Variants in DLGAP2 observed in about 807,000 individuals in gnomAD.
DLGAP2 encodes disks large-associated protein 2.
DLGAP2 carries 26 observed loss-of-function variants against 100.3 expected under a neutral mutation model. The observed-to-expected ratio is 0.26, with a 90% CI of 0.19 to 0.36. The LOEUF is 0.36. DLGAP2 is among the 10% of genes least tolerant of loss of function. The pLI is 1.00. For synonymous variants in DLGAP2, 886 were observed against 630.1 expected (o/e 1.41, Z -6.08); for missense variants, 1,858 against 1,453.2 (o/e 1.28, Z -4.53).
intron 2 of DLGAP2, among the ~76,000 whole-genome samples, chr8:953,681 C>A (rs182591260): frequency 1.3e-5 from 2 of 150,984 alleles, no homozygotes; most frequent in African/African-American, 5.0e-5. Flanking sequence ...AACAGAGTTG[C>A]GTGAAAGAAA....
At chr8:867,979 G>A (rs1481225517) in intron 1 of DLGAP2, among the ~76,000 whole-genome samples, 2 of 152,052 alleles carry the variant, frequency 1.3e-5, no homozygotes, top group South Asian at 2.1e-4. Context: ...TAATATTTTT[G>A]TATTATTAAA....
At chr8:1,630,882 C>G (rs528791389) in intron 7 of DLGAP2, among the ~76,000 whole-genome samples, 3 of 143,018 alleles carry the variant, frequency 2.1e-5, no homozygotes, top group Admixed American at 6.8e-5. Flanking sequence ...CCGAGGGTCT[C>G]GGCGGGAGGT....
At chr8:1,331,748 T>C (rs922149499) in intron 3 of DLGAP2, among the ~76,000 whole-genome samples, 3 of 152,224 alleles carry the variant, frequency 2.0e-5, no homozygotes, top group Non-Finnish European at 4.4e-5. Context: ...CTTGTTTTGC[T>C]TATGGGCTGG....
chr8:858,973 G>C (rs1797338060), intron 1 of DLGAP2, among the ~76,000 whole-genome samples: 2 of 152,156 alleles, frequency 1.3e-5, no homozygotes, highest in Non-Finnish European at 2.9e-5. Context: ...GGGAGGAGGG[G>C]TTATATGTGA....
chr8:807,193 C>G (rs1002273704), intron 1 of DLGAP2, among the ~76,000 whole-genome samples: 3 of 152,244 alleles, frequency 2.0e-5, no homozygotes, highest in African/African-American at 7.2e-5. Flanking sequence ...GAGTTCTTCT[C>G]TGGTGTGATG....
intron 2 of DLGAP2, among the ~76,000 whole-genome samples, chr8:1,239,099 A>C (rs1198413344): frequency 2.7e-3 from 4 of 1,458 alleles, no homozygotes; most frequent in Admixed American, 5.1e-3. Context: ...CTAGTTCTCT[A>C]ACATGGCGCC....
intron 3 of DLGAP2, among the ~76,000 whole-genome samples, chr8:1,413,977 G>A (rs983650817): frequency 2.0e-5 from 3 of 152,204 alleles, no homozygotes; most frequent in African/African-American, 7.2e-5. Context: ...TCAACAGGGT[G>A]CTGTGATTGA....
intron 4 of DLGAP2, among the ~76,000 whole-genome samples, chr8:1,513,048 C>T (rs1800228488): frequency 6.6e-6 from 1 of 151,866 alleles, no homozygotes; most frequent in South Asian, 2.1e-4. Context: ...CACAGGCCAG[C>T]TCCAGGGAGG....
intron 3 of DLGAP2, among the ~76,000 whole-genome samples, chr8:1,413,727 G>C (rs914659545): frequency 3.3e-5 from 5 of 152,216 alleles, no homozygotes; most frequent in Admixed American, 6.5e-5. Flanking sequence ...CAGTCTCCCA[G>C]TATGTAGCTC....
At chr8:1,158,032 T>C (rs1188380476) in intron 2 of DLGAP2, among the ~76,000 whole-genome samples, 2 of 152,256 alleles carry the variant, frequency 1.3e-5, no homozygotes, top group Non-Finnish European at 1.5e-5. Context: ...GGTTAAATCA[T>C]GGCCCACCCT....
intron 3 of DLGAP2, among the ~76,000 whole-genome samples, chr8:1,492,035 C>G (rs1357136169): frequency 1.3e-5 from 2 of 152,196 alleles, no homozygotes; most frequent in Non-Finnish European, 2.9e-5. Context: ...GATTGTCATT[C>G]TTAGTTGAGT....
chr8:1,682,766 G>A (rs1047074414), intron 12 of DLGAP2, among the ~76,000 whole-genome samples: 2 of 151,522 alleles, frequency 1.3e-5, no homozygotes, highest in African/African-American at 4.8e-5. Flanking sequence ...GAACCACCAT[G>A]CCCAGCCAGG....
At chr8:1,201,011 AC>A (rs1055585966) in intron 2 of DLGAP2, among the ~76,000 whole-genome samples, 1 of 152,098 alleles carries the variant, frequency 6.6e-6, no homozygotes, top group African/African-American at 2.4e-5. Flanking sequence ...CCCGGACCCC[AC>A]CGTTAGGGAC....
intron 1 of DLGAP2, among the ~76,000 whole-genome samples, chr8:763,256 G>T (rs944337226): frequency 6.6e-6 from 1 of 152,200 alleles, no homozygotes; most frequent in Admixed American, 6.5e-5. Context: ...CCCTTCGCGT[G>T]CTACTGCTGT....
chr8:1,211,582 A>G (rs1030039365), intron 2 of DLGAP2, among the ~76,000 whole-genome samples: 8 of 152,354 alleles, frequency 5.3e-5, no homozygotes, highest in Non-Finnish European at 1.0e-4. Context: ...CCATTAATCA[A>G]TACTGATTTG....
intron 3 of DLGAP2, among the ~76,000 whole-genome samples, chr8:1,383,043 G>A (rs1043523617): frequency 1.3e-5 from 2 of 152,154 alleles, no homozygotes; most frequent in Non-Finnish European, 2.9e-5. Flanking sequence ...AACGCAAATC[G>A]AAGGATCTTT....
chr8:1,544,842 C>T (rs1801480870), intron 4 of DLGAP2, among the ~76,000 whole-genome samples: 1 of 151,674 alleles, frequency 6.6e-6, no homozygotes, highest in African/African-American at 2.4e-5. Context: ...AAGCGATTCT[C>T]CTGCATCAGC....
At position 1,362,416 on chromosome 8, in the gene DLGAP2, G is replaced by A. The variant is rs147385565; in HGVS notation, c.106+103533G>A. Reference sequence around the variant, plus strand: ...GTCCCATGCGGACAGCAGTCCCGCCGTCACAGCGCCCTCGGGAGGCTCGGT... The same window carrying A: ...GTCCCATGCGGACAGCAGTCCCGCCATCACAGCGCCCTCGGGAGGCTCGGT... On this transcript the variant is annotated intron_variant, in intron 3 of 14. Coordinates refer to ENST00000637795, the MANE Select transcript of DLGAP2 (RefSeq NM_001346810.2). Among the ~76,000 whole-genome samples, 421 of 149,232 alleles carry A rather than the reference G, an allele frequency of 2.8e-3. 1 individual carries two copies. The highest frequency in any genetic ancestry group is 8.8e-3 in the African/African-American group (348 of 39,348).
intron 3 of DLGAP2, among the ~76,000 whole-genome samples, chr8:1,370,747 C>A (rs1372373022): frequency 6.6e-6 from 1 of 152,172 alleles, no homozygotes; most frequent in East Asian, 1.9e-4. Context: ...TATGTAGGAG[C>A]CGGACTCGGC....
Sources: allele counts gnomAD v4.1 joint callset (sites outside exome capture counted in the v4.1 genomes callset), GRCh38; gene constraint gnomAD v4.1.1; transcripts MANE v1.5; gene names NCBI Gene and HGNC (gene_info 2026-07-23, HGNC 2026-07-21).